KIAA0319L: variants seen among roughly 807,000 people sequenced by gnomAD.
KIAA0319L encodes the protein KIAA0319 like.
KIAA0319L carries 55 observed loss-of-function variants against 120.1 expected under a neutral mutation model. The ratio of observed to expected loss-of-function variants is 0.46; its 90% CI spans 0.37 to 0.57. KIAA0319L has a LOEUF of 0.57. KIAA0319L is among the 20% of genes least tolerant of loss of function. KIAA0319L has a pLI of 0.00. For missense variants in KIAA0319L, 1,049 were observed against 1,255.3 expected (o/e 0.84, Z 2.48); for synonymous variants, 398 against 471.9 (o/e 0.84, Z 2.03).
At position 35,453,613 on chromosome 1, in the gene KIAA0319L, A is replaced by G. The variant is rs1239513663; in HGVS notation, c.1857T>C (p.Asp619=). Residue 619 remains aspartate (D), a synonymous_variant, in exon 12 of 21, where the codon GAT becomes GAC. Transcript: ENST00000325722. The surrounding 1 kb of genome is among the most constrained non-coding windows in gnomAD (Gnocchi z 4.1). ...TCTGATCATCTGAGCTCTTGCTGCC[A>G]TCCAGGGTTGTGCTATCCACAGGAA... ...LTLPVDSTTL[D]GSKSSDDQKI... The G allele has an allele frequency of 1.2e-6, 2 of 1,614,142 alleles. No individual in the cohort carries two copies. Among genetic ancestry groups the G allele is most frequent in the Admixed American group, 3.3e-5 (2 of 60,014 alleles).
chr1:35,442,814 C>T, intron 18 of KIAA0319L, 92 bp downstream of exon 18: 1 of 1,466,082 alleles, frequency 6.8e-7, no homozygotes, highest in Non-Finnish European at 9.5e-7. Flanking sequence ...CTTGCCTGCT[C>T]ATCTGCTTCA....
At chr1:35,500,206 CT>C (rs1644955439) in intron 3 of KIAA0319L, among the ~76,000 whole-genome samples, 1 of 152,174 alleles carries the variant, frequency 6.6e-6, no homozygotes, top group African/African-American at 2.4e-5. Context: ...AAATAAAGCA[CT>C]TTTTTCTCTG....
chr1:35,536,821 G>C (rs1646590122), intron 2 of KIAA0319L, among the ~76,000 whole-genome samples: 1 of 151,744 alleles, frequency 6.6e-6, no homozygotes, highest in African/African-American at 2.4e-5. Context: ...CAGTCATCAA[G>C]GGCTTTATAA....
chr1:35,497,785 ACTG>A (rs1284466839), intron 3 of KIAA0319L, among the ~76,000 whole-genome samples: 1 of 152,186 alleles, frequency 6.6e-6, no homozygotes, highest in Non-Finnish European at 1.5e-5. Context: ...CATTAGACAG[ACTG>A]CTTTCATTTT....
intron 2 of KIAA0319L, among the ~76,000 whole-genome samples, chr1:35,538,469 T>C (rs1287996098): frequency 6.6e-6 from 1 of 151,650 alleles, no homozygotes; most frequent in Non-Finnish European, 1.5e-5. Context: ...CACGTACCTA[T>C]AGTCCCAGCT....
intron 20 of KIAA0319L, chr1:35,435,298 A>G: frequency 1.9e-6 from 1 of 534,432 alleles, no homozygotes. Context: ...TACGGATGAG[A>G]GCACACCTGG....
At chr1:35,462,513 G>T in intron 8 of KIAA0319L, 108 bp downstream of exon 8, 2 of 870,430 alleles carry the variant, frequency 2.3e-6, no homozygotes, top group Non-Finnish European at 3.7e-6. Flanking sequence ...AAGATGACTG[G>T]CCTAAACAGA....
At chr1:35,490,796 T>C (rs929271428) in intron 3 of KIAA0319L, among the ~76,000 whole-genome samples, 8 of 152,182 alleles carry the variant, frequency 5.3e-5, no homozygotes, top group African/African-American at 1.9e-4. Flanking sequence ...AGGGACATAG[T>C]AGGAGGTGAC....
At chr1:35,488,291 A>G (rs897398391) in intron 3 of KIAA0319L, among the ~76,000 whole-genome samples, 1 of 152,190 alleles carries the variant, frequency 6.6e-6, no homozygotes, top group African/African-American at 2.4e-5. Context: ...TGCCACCATT[A>G]CTGGAAACTC....
chr1:35,474,359 AT>A (rs1643822091), intron 5 of KIAA0319L, among the ~76,000 whole-genome samples: 1 of 152,172 alleles, frequency 6.6e-6, no homozygotes, highest in South Asian at 2.1e-4. Context: ...ACCTCATAAG[AT>A]TACTTTAAGG....
At chr1:35,532,347 A>G (rs1192768839) in intron 2 of KIAA0319L, among the ~76,000 whole-genome samples, 2 of 152,162 alleles carry the variant, frequency 1.3e-5, no homozygotes, top group Non-Finnish European at 2.9e-5. Context: ...TAATGTTGTT[A>G]CATCATGTGT....
At chr1:35,515,267 G>T (rs562001767) in intron 2 of KIAA0319L, among the ~76,000 whole-genome samples, 1 of 150,308 alleles carries the variant, frequency 6.7e-6, no homozygotes, top group South Asian at 2.1e-4. Flanking sequence ...AGCTGAGATC[G>T]TGCCATTGCA....
intron 5 of KIAA0319L, among the ~76,000 whole-genome samples, chr1:35,472,196 G>T (rs750361839): frequency 2.6e-5 from 4 of 152,180 alleles, no homozygotes; most frequent in Non-Finnish European, 5.9e-5. Context: ...ATTATGCCTC[G>T]CAGGCAGAAA....
intron 2 of KIAA0319L, among the ~76,000 whole-genome samples, chr1:35,535,096 T>TAAAAAAA (rs56965473): frequency 5.3e-5 from 3 of 56,330 alleles, no homozygotes; most frequent in African/African-American, 1.3e-4. Flanking sequence ...GACTCCGTCT[T>TAAAAAAA]AAAAAAAAAA....
chr1:35,488,394 A>T (rs995683021), intron 3 of KIAA0319L, among the ~76,000 whole-genome samples: 1 of 152,208 alleles, frequency 6.6e-6, no homozygotes, highest in Non-Finnish European at 1.5e-5. Flanking sequence ...GATGACACCC[A>T]TGTTTCTAGC....
chr1:35,479,966 A>AAAAAAAAAAAAC (rs1644090904), intron 3 of KIAA0319L, among the ~76,000 whole-genome samples: 12 of 130,796 alleles, frequency 9.2e-5, no homozygotes, highest in African/African-American at 3.0e-4. Context: ...AAAAAAAAAA[A>AAAAAAAAAAAAC]AAAAAACACA....
rs1463680951 is a variant in KIAA0319L, at chr1:35,520,770, A to G, written c.143-13635T>C. Among the ~76,000 whole-genome samples the G allele has an allele frequency of 2.6e-5, 4 of 152,250 alleles. No individual in the cohort carries two copies. The East Asian group carries it at 5.8e-4, about 22-fold the overall frequency. Reference sequence around the variant, plus strand: ...ATCCATTCAATAAGTGTTTTTGAGCACCTGCTGCATGCTGGGAATTACTTT... The same window carrying G: ...ATCCATTCAATAAGTGTTTTTGAGCGCCTGCTGCATGCTGGGAATTACTTT... On this transcript the variant is annotated intron_variant, in intron 2 of 20. Transcript: ENST00000325722.
intron 9 of KIAA0319L, among the ~76,000 whole-genome samples, chr1:35,459,489 C>A (rs963013891): frequency 6.6e-6 from 1 of 151,200 alleles, no homozygotes. Context: ...CCCAGCTACT[C>A]GGGAGGCTGA....
At chr1:35,536,383 C>T (rs114350985) in intron 2 of KIAA0319L, among the ~76,000 whole-genome samples, 2,913 of 152,344 alleles carry the variant, frequency 0.019, 40 homozygotes, top group Non-Finnish European at 0.032. Flanking sequence ...TCAGACCATT[C>T]GACTTCACTC....
Sources: gnomAD v4.1 joint callset for allele counts (sites outside exome capture counted in the v4.1 genomes callset) on GRCh38, gnomAD v4.1.1 for gene constraint, Gnocchi (gnomAD v3.1) non-coding constraint, MANE v1.5 for transcripts, NCBI Gene and HGNC (gene_info 2026-07-23, HGNC 2026-07-21) for gene names.